Variants in OR2L13 observed in about 807,000 individuals in gnomAD.
OR2L13 encodes olfactory receptor family 2 subfamily L member 13.
OR2L13 carries 14 observed loss-of-function variants against 15.3 expected under a neutral mutation model. The observed-to-expected ratio is 0.91, with a 90% CI of 0.60 to 1.43. OR2L13 has a LOEUF of 1.43. Ranked by LOEUF, OR2L13 falls within the 40% of genes most tolerant of loss-of-function variation. The pLI, the probability that OR2L13 is intolerant of heterozygous loss-of-function variation, is 0.00. For synonymous variants in OR2L13, 152 were observed against 142.9 expected (o/e 1.06, Z -0.45); for missense variants, 367 against 387.9 (o/e 0.95, Z 0.45).
At chr1:248,096,765 T>G (rs1187802817), upstream of OR2L13, among the ~76,000 whole-genome samples, 1 of 152,240 alleles carries the variant, frequency 6.6e-6, no homozygotes, top group Non-Finnish European at 1.5e-5. Context: ...ACTTACATTG[T>G]TAGTTTCTGT....
At chr1:248,038,655 C>G in the OR2L13 span, 1 of 1,614,168 alleles carries the variant, frequency 6.2e-7, no homozygotes, top group Admixed American at 1.7e-5. Flanking sequence ...CTTTCCTCTC[C>G]ACTATCCCAT....
chr1:248,071,432 C>T, the OR2L13 span, among the ~76,000 whole-genome samples: 8 of 152,166 alleles, frequency 5.3e-5, no homozygotes, highest in South Asian at 2.1e-4. Context: ...AACAACTCTT[C>T]ATGCTAAAAA....
chr1:247,981,859 A>G, the OR2L13 span, among the ~76,000 whole-genome samples: 5 of 150,210 alleles, frequency 3.3e-5, no homozygotes, highest in South Asian at 1.1e-3. Context: ...TCTGTCGCCC[A>G]GGCTGGAGTG....
chr1:247,994,874 G>A, the OR2L13 span, among the ~76,000 whole-genome samples: 1 of 151,774 alleles, frequency 6.6e-6, no homozygotes, highest in Admixed American at 6.6e-5. Context: ...ACATTTTCTG[G>A]TACATCTTTA....
chr1:248,004,167 A>T, the OR2L13 span: 1 of 997,252 alleles, frequency 1.0e-6, no homozygotes, highest in African/African-American at 1.6e-5. Flanking sequence ...TCAGGAGCAA[A>T]AAGTAATCAA....
chr1:248,101,005 C>T (rs572198757), exon 3 of OR2L13: 20 of 152,290 alleles, frequency 1.3e-4, no homozygotes, highest in Non-Finnish European at 2.6e-4. Flanking sequence ...CCAGTTTATC[C>T]TAACTCCTTT....
the OR2L13 span, among the ~76,000 whole-genome samples, chr1:248,066,423 CTT>C: frequency 7.9e-5 from 12 of 151,562 alleles, no homozygotes; most frequent in Non-Finnish European, 1.5e-4. Flanking sequence ...CCACTACTAA[CTT>C]TTTTTTTACT....
chr1:247,956,832 A>C, the OR2L13 span, among the ~76,000 whole-genome samples: 2 of 152,184 alleles, frequency 1.3e-5, no homozygotes. Flanking sequence ...TATCAGCTTA[A>C]GGAGATTTTG....
chr1:248,009,739 T>G, the OR2L13 span, among the ~76,000 whole-genome samples: 1 of 152,076 alleles, frequency 6.6e-6, no homozygotes, highest in African/African-American at 2.4e-5. Context: ...GCCAATATTC[T>G]TGATGAATGT....
chr1:248,015,046 G>C, the OR2L13 span, among the ~76,000 whole-genome samples: 3 of 152,162 alleles, frequency 2.0e-5, no homozygotes, highest in Non-Finnish European at 4.4e-5. Flanking sequence ...ATCTATGAGA[G>C]CTGATGCACT....
the OR2L13 span, chr1:247,965,200 T>C: frequency 2.0e-5 from 14 of 683,294 alleles, no homozygotes; most frequent in Admixed American, 4.8e-4. Context: ...TATGCGAGAA[T>C]GTGTTTGCCA....
At chr1:248,019,550 G>T in the OR2L13 span, among the ~76,000 whole-genome samples, 1 of 152,022 alleles carries the variant, frequency 6.6e-6, no homozygotes, top group Admixed American at 6.6e-5. Context: ...TTTCTATATG[G>T]TGTAAAGTAA....
chr1:248,045,079 A>T, the OR2L13 span, among the ~76,000 whole-genome samples: 1 of 152,134 alleles, frequency 6.6e-6, no homozygotes, highest in Non-Finnish European at 1.5e-5. Context: ...AACAGATTTG[A>T]CATAAATGGT....
the OR2L13 span, among the ~76,000 whole-genome samples, chr1:247,956,533 GCA>G: frequency 1.0e-4 from 15 of 150,634 alleles, no homozygotes; most frequent in African/African-American, 2.4e-5. Context: ...ATTACCTTGG[GCA>G]GTATGGCCAT....
At chr1:247,959,541 G>C in the OR2L13 span, among the ~76,000 whole-genome samples, 120,626 of 151,182 alleles carry the variant, frequency 0.8, 52,322 homozygotes, top group South Asian at 0.95. Flanking sequence ...AGAGTGTTTT[G>C]CAACTTGGTT....
chr1:247,976,287 C>T, the OR2L13 span, among the ~76,000 whole-genome samples: 6,531 of 152,178 alleles, frequency 0.043, 451 homozygotes, highest in African/African-American at 0.15. Context: ...TGGTTGCCAC[C>T]GGTATTCTCA....
the OR2L13 span, among the ~76,000 whole-genome samples, chr1:247,938,312 A>G: frequency 2.0e-5 from 3 of 152,164 alleles, no homozygotes; most frequent in Non-Finnish European, 2.9e-5. Context: ...TGCTAATGTT[A>G]ATATTAGATG....
At chr1:248,070,916 A>C in the OR2L13 span, among the ~76,000 whole-genome samples, 1 of 152,224 alleles carries the variant, frequency 6.6e-6, no homozygotes, top group African/African-American at 2.4e-5. Flanking sequence ...CCCTCCCAAG[A>C]CTAAACCAGG....
chr1:247,977,874 G>T, the OR2L13 span, among the ~76,000 whole-genome samples: 4 of 152,064 alleles, frequency 2.6e-5, no homozygotes, highest in Non-Finnish European at 5.9e-5. Flanking sequence ...TCTTCATCTC[G>T]CTGTCTAGTG....
Sources: gnomAD v4.1 joint callset for allele counts (sites outside exome capture counted in the v4.1 genomes callset) on GRCh38, gnomAD v4.1.1 for gene constraint, MANE v1.5 for transcripts, NCBI Gene and HGNC (gene_info 2026-07-23, HGNC 2026-07-21) for gene names.